Variants in PLG observed in about 807,000 individuals in gnomAD.
PLG encodes the protein plasmin.
In PLG, 41 loss-of-function variants were observed where a neutral mutation model predicts 104.4. The observed-to-expected ratio is 0.39, with a 90% confidence interval of 0.31 to 0.51. The LOEUF (loss-of-function observed/expected upper bound fraction) is 0.51, where lower values mean the gene tolerates loss of function less well. PLG is among the 20% of genes least tolerant of loss of function. The pLI is 0.76. For synonymous variants in PLG, 337 were observed against 357.1 expected, an observed-to-expected ratio of 0.94 and a Z score of 0.63; for missense variants, 891 against 1,003.6, an observed-to-expected ratio of 0.89 and a Z score of 1.52.
Position 160,741,164 on chromosome 6 carries a change from ACT to A in PLG, c.2019-144_2019-143del, listed in dbSNP as rs1445673244. On this transcript the variant is annotated intron_variant, in intron 16 of 18. Coordinates refer to ENST00000308192, the MANE Select transcript of PLG (RefSeq NM_000301.5). The surrounding 1 kb of genome is among the most constrained non-coding windows in gnomAD (Gnocchi z 4.7). ...AACCACAGGCAAATGTGAGGGTGAA[ACT>A]CTGTGTTCTACGTTGCTCTGTGTCA... is the stretch of plus-strand genomic sequence containing the variant. 5.8e-6 allele frequency: 4 copies of A among 684,416 alleles called. No individual in the cohort carries two copies. The highest frequency in any genetic ancestry group is 8.2e-6 in the Non-Finnish European group (3 of 363,892). The allele number at this position is 684,416 out of a possible 1,614,324, so 42.4% of individuals were successfully genotyped here.
chr6:160,726,603 T>G lies in PLG; in HGVS notation c.1256+4036T>G, dbSNP rs1777926699. On this transcript the variant is annotated intron_variant, in intron 10 of 18. Transcript: ENST00000308192. This position sits in a 1 kb window ranked among gnomAD's most constrained non-coding sequence, Gnocchi z 4.4. ...CCTTTAAATTTAAAAAAAAAAGATT[T>G]TATTTGCTATTTCACTTTTATTTCC... Among the ~76,000 whole-genome samples, 1 of 152,016 alleles carries G rather than the reference T, an allele frequency of 6.6e-6. No homozygotes were observed. The highest frequency in any genetic ancestry group is 2.1e-4 in the South Asian group (1 of 4,834).
rs753737813 is a variant in PLG at position 160,718,382 on chromosome 6, C to T, written c.876C>T (p.Ser292=). Residue 292 remains serine, a synonymous_variant, in exon 8 of 19, where the codon TCC becomes TCT. Transcript: ENST00000308192. The stretch of plus-strand genomic sequence containing the variant: ...GCGGGAATGTGGCTGTTACCGTGTC[C>T]GGGCACACCTGTCAGCACTGGAGTG... ...NYRGNVAVTV[S]GHTCQHWSAQ... is the part of the protein sequence containing the mutation. 1.7e-5 allele frequency: 27 copies of T among 1,613,424 alleles called. No individual in the cohort carries two copies. Among genetic ancestry groups the T allele is most frequent in the East Asian group, 4.5e-5 (2 of 44,884 alleles).
rs1256849634 is a variant in PLG, at chr6:160,752,957, G to A, written c.2329G>A (p.Val777Ile). Residue 777 changes from valine (V) to isoleucine (I), a missense_variant, in exon 19 of 19, where the codon GTC (valine) becomes ATC (isoleucine). Around this residue, in one of 2 missense-constraint regions of PLG, gnomAD observed 37 missense variants for 71.5 expected, o/e 0.52. Coordinates refer to ENST00000308192, the MANE Select transcript of PLG (RefSeq NM_000301.5). The surrounding 1 kb of genome is among the most constrained non-coding windows in gnomAD (Gnocchi z 4.7). ...GAAGGACAAATACATTTTACAAGGA[G>A]TCACTTCTTGGGGTCTTGGCTGTGC... ...FEKDKYILQG[V>I]TSWGLGCARP... 1.2e-6 allele frequency: 2 copies of A among 1,613,410 alleles called. No individual in the cohort carries two copies. The highest frequency in any genetic ancestry group is 1.7e-6 in the Non-Finnish European group (2 of 1,179,520).
chr6:160,729,927 C>T (rs1329957453), intron 10 of PLG, among the ~76,000 whole-genome samples: 1 of 152,208 alleles, frequency 6.6e-6, no homozygotes, highest in African/African-American at 2.4e-5. Context: ...TTCAAATGCT[C>T]AGCCTTTTAA....
intron 10 of PLG, among the ~76,000 whole-genome samples, chr6:160,727,367 G>T (rs4709461): frequency 0.66 from 99,501 of 150,238 alleles, 33,381 homozygotes; most frequent in Middle Eastern, 0.77. Context: ...CATTAGAAAT[G>T]TTATTATTTA....
intron 3 of PLG, among the ~76,000 whole-genome samples, chr6:160,710,099 T>C (rs1777612017): frequency 6.6e-6 from 1 of 152,194 alleles, no homozygotes; most frequent in African/African-American, 2.4e-5. Context: ...TATCTCGACA[T>C]TTATTAATCA....
intron 3 of PLG, among the ~76,000 whole-genome samples, chr6:160,710,560 T>G (rs1777622186): frequency 1.3e-5 from 2 of 152,036 alleles, no homozygotes; most frequent in South Asian, 4.1e-4. Context: ...TAGACCACAA[T>G]TTTATAGCCC....
At position 160,740,858 on chromosome 6, in the gene PLG, A is replaced by G. The variant is rs1013086616; in HGVS notation, c.2019-453A>G. Among the ~76,000 whole-genome samples the G allele has an allele frequency of 3.3e-5, 5 of 152,180 alleles. No individual in the cohort carries two copies. The highest frequency in any genetic ancestry group is 1.2e-4 in the African/African-American group (5 of 41,448). ...CGTAGTAACATTCACTGAGGAGGAA[A>G]TGGAGGATCCAAGGATGGAGCAAGT... is the stretch of plus-strand genomic sequence containing the variant. On this transcript the variant is annotated intron_variant, in intron 16 of 18. Coordinates refer to ENST00000308192, the MANE Select transcript of PLG (RefSeq NM_000301.5). This position sits in a 1 kb window ranked among gnomAD's most constrained non-coding sequence, Gnocchi z 5.2.
chr6:160,729,888 T>C (rs781773320), intron 10 of PLG, among the ~76,000 whole-genome samples: 1 of 152,234 alleles, frequency 6.6e-6, no homozygotes, highest in Non-Finnish European at 1.5e-5. Context: ...TGTAAAAGTA[T>C]ACCTCAACTG....
At chr6:160,748,247 G>A (rs1778309914) in intron 17 of PLG, among the ~76,000 whole-genome samples, 1 of 151,180 alleles carries the variant, frequency 6.6e-6, no homozygotes, top group African/African-American at 2.4e-5. Context: ...GGAGGTTGCA[G>A]TGAGCCAAGA....
At position 160,747,446 on chromosome 6, in the gene PLG, C is replaced by A. The variant is rs142379250; in HGVS notation, c.2126-4669C>A. Among the ~76,000 whole-genome samples, 806 of 152,222 alleles carry A rather than the reference C, an allele frequency of 5.3e-3. 8 individuals are homozygous for A. The highest frequency in any genetic ancestry group is 0.026 in the South Asian group (123 of 4,818). ...CAGTTTCTCAGAGGTGCTAGGAGGG[C>A]ATTAGGAGTCTGAAGCCCTGGAAGT... On this transcript the variant is annotated intron_variant, in intron 17 of 18. Coordinates refer to ENST00000308192, the MANE Select transcript of PLG (RefSeq NM_000301.5).
intron 17 of PLG, among the ~76,000 whole-genome samples, chr6:160,748,411 A>AGG (rs1307626026): frequency 0.035 from 1,833 of 52,292 alleles, 91 homozygotes; most frequent in African/African-American, 0.06. Flanking sequence ...GAAGAAAGAA[A>AGG]GAAAGGGAAA....
In PLG at chr6:160,752,133, T is replaced by C. The variant is rs760544829; in HGVS notation, c.2144T>C (p.Leu715Pro). The change falls in exon 18 of 19, where the codon CTT (leucine) becomes CCT (proline). Residue 715 changes from leucine to proline, a missense_variant. Physicochemically the swap from Leu to Pro is moderately conservative, Grantham distance 98 (BLOSUM62 -3). Around this residue, in one of 2 missense-constraint regions of PLG, gnomAD observed 854 missense variants for 932.1 expected, o/e 0.92. Coordinates refer to ENST00000308192, the MANE Select transcript of PLG (RefSeq NM_000301.5). The surrounding 1 kb of genome is among the most constrained non-coding windows in gnomAD (Gnocchi z 4.7). Reference sequence around the variant, plus strand: ...AACACAGGTACTTTTGGAGCTGGCCTTCTCAAGGAAGCCCAGCTCCCTGTG... The same window carrying C: ...AACACAGGTACTTTTGGAGCTGGCCCTCTCAAGGAAGCCCAGCTCCCTGTG... The part of the protein sequence containing the change: ...GETQGTFGAG[L>P]LKEAQLPVIE... 1.5e-5 allele frequency: 25 copies of C among 1,613,516 alleles called. No individual in the cohort carries two copies. Among genetic ancestry groups the C allele is most frequent in the Admixed American group, 1.3e-4 (8 of 60,004 alleles).
chr6:160,734,162 T>C lies in PLG; in HGVS notation c.1681+74T>C. On this transcript the variant is annotated intron_variant, in intron 13 of 18. Coordinates refer to ENST00000308192, the MANE Select transcript of PLG (RefSeq NM_000301.5). The surrounding 1 kb of genome is among the most constrained non-coding windows in gnomAD (Gnocchi z 4.4). ...TGCAACAAAAAAGGAAAAGGGCTTC[T>C]GAGCAGACTGCTTCTGGGGAGGAGA... 1.2e-6 allele frequency: 1 copy of C among 817,070 alleles called. No individual in the cohort carries two copies. The highest frequency in any genetic ancestry group is 2.1e-6 in the Non-Finnish European group (1 of 469,412). The allele number at this position is 817,070 out of a possible 1,614,324, so 50.6% of individuals were successfully genotyped here. A position where few individuals can be genotyped will look rare whatever the true frequency, so the allele number is the denominator to read the frequency against.
chr6:160,714,728 C>A, intron 5 of PLG, 66 bp from the exon 6 acceptor site: 2 of 1,548,852 alleles, frequency 1.3e-6, no homozygotes, highest in South Asian at 1.1e-5. Flanking sequence ...GGTTTTTACT[C>A]TCTATTTTGC....
chr6:160,714,197 G>A lies in PLG; in HGVS notation c.548-597G>A, dbSNP rs551696557. Among the ~76,000 whole-genome samples, 3 of 152,218 alleles carry A rather than the reference G, an allele frequency of 2.0e-5. No homozygotes were observed. In the East Asian group the frequency reaches 5.8e-4, roughly 29 times the overall value. On this transcript the variant is annotated intron_variant, in intron 5 of 18. Coordinates refer to ENST00000308192, the MANE Select transcript of PLG (RefSeq NM_000301.5). ...TCAATAATTCTGAATCAAAGTTTAA[G>A]TTTGTGAATAATTTTGCAAAAAAGA...
chr6:160,735,481 G>T lies in PLG; in HGVS notation c.1681+1393G>T, dbSNP rs989340864. On this transcript the variant is annotated intron_variant, in intron 13 of 18. Transcript: ENST00000308192. This position sits in a 1 kb window ranked among gnomAD's most constrained non-coding sequence, Gnocchi z 5.4. ...GAGAAAGAAGGAAGAATGGGAACAA[G>T]ATTTTTCCCAAAGGACTGTGAGGTC... 6.6e-6 allele frequency among the ~76,000 whole-genome samples: 1 copy of T among 152,214 alleles called. No individual in the cohort carries two copies. Among genetic ancestry groups the T allele is most frequent in the Non-Finnish European group, 1.5e-5 (1 of 68,046 alleles).
In PLG at chr6:160,739,711, T is replaced by G. The variant is rs1378042028; in HGVS notation, c.2018+503T>G. Among the ~76,000 whole-genome samples the G allele has an allele frequency of 1.2e-4, 17 of 140,394 alleles. No homozygotes were observed. 92.1% of individuals were successfully genotyped at this position (140,394 alleles called of 152,430 possible). On this transcript the variant is annotated intron_variant, in intron 16 of 18. Transcript: ENST00000308192. This position sits in a 1 kb window ranked among gnomAD's most constrained non-coding sequence, Gnocchi z 4.4. ...CGGAGTTTGAGGCTGCAGTGAGTTA[T>G]GATCGTGTCACTGCATTCCAGCCTG...
At chr6:160,702,242 A>G, upstream of PLG, 1 of 1,596,146 alleles carries the variant, frequency 6.3e-7, no homozygotes, top group South Asian at 1.1e-5. Context: ...GTTTACTCTC[A>G]TGTAAGTCAA....
Sources: gnomAD v4.1 joint callset for allele counts (sites outside exome capture counted in the v4.1 genomes callset) on GRCh38, gnomAD v4.1.1 for gene constraint, gnomAD v4.1.1 regional missense constraint, Gnocchi (gnomAD v3.1) non-coding constraint, MANE v1.5 for transcripts, NCBI Gene and HGNC (gene_info 2026-07-23, HGNC 2026-07-21) for gene names.